VKORC1L1: variants seen among roughly 807,000 people sequenced by gnomAD.
The protein encoded by VKORC1L1 is vitamin K epoxide reductase complex subunit 1L1, also known as vitamin K epoxide reductase complex subunit 1-like protein 1.
In VKORC1L1, 2 loss-of-function variants were observed where a neutral mutation model predicts 18.9. The ratio of observed to expected loss-of-function variants is 0.11; its 90% CI spans 0.04 to 0.33. The LOEUF (loss-of-function observed/expected upper bound fraction) is 0.33, where lower values mean the gene tolerates loss of function less well. VKORC1L1 is among the 10% of genes least tolerant of loss of function. The pLI, the probability that VKORC1L1 is intolerant of heterozygous loss-of-function variation, is 1.00. For missense variants in VKORC1L1, 123 were observed against 224.1 expected (o/e 0.55, Z 2.88); for synonymous variants, 96 against 100.0 (o/e 0.96, Z 0.24).
chr7:65,873,693 G>T (rs1788772367), intron 1 of VKORC1L1, 128 bp downstream of exon 1: 2 of 927,748 alleles, frequency 2.2e-6, no homozygotes, highest in Non-Finnish European at 2.8e-6. Flanking sequence ...GAACTGACGG[G>T]GTCGGGTCGG....
chr7:65,930,397 G>C (rs1208728071), intron 1 of VKORC1L1, among the ~76,000 whole-genome samples: 1 of 152,244 alleles, frequency 6.6e-6, no homozygotes, highest in Non-Finnish European at 1.5e-5. Context: ...AGGCTCGCTA[G>C]AAGTGAGTCC....
intron 1 of VKORC1L1, among the ~76,000 whole-genome samples, chr7:65,884,055 G>C (rs1363738002): frequency 2.6e-5 from 4 of 152,132 alleles, no homozygotes; most frequent in Admixed American, 2.0e-4. Context: ...CAACTCCACT[G>C]TGTTTAAAGT....
At chr7:65,927,308 T>G (rs1789782135) in intron 1 of VKORC1L1, among the ~76,000 whole-genome samples, 1 of 150,850 alleles carries the variant, frequency 6.6e-6, no homozygotes, top group South Asian at 2.1e-4. Flanking sequence ...AAAAAAAAAA[T>G]CATAATGGGT....
At chr7:65,871,179 T>C (rs1249040832), upstream of VKORC1L1, among the ~76,000 whole-genome samples, 1 of 151,776 alleles carries the variant, frequency 6.6e-6, no homozygotes, top group Non-Finnish European at 1.5e-5. Context: ...CTATTTTCTT[T>C]TTCTTTCTTT....
At chr7:65,898,285 C>T (rs888048135) in intron 1 of VKORC1L1, among the ~76,000 whole-genome samples, 2 of 151,816 alleles carry the variant, frequency 1.3e-5, no homozygotes, top group Non-Finnish European at 2.9e-5. Context: ...CGGGGTTTCA[C>T]CATCTTGCCA....
chr7:65,941,673 GTTTT>G lies in VKORC1L1; in HGVS notation c.195-6976_195-6973del, dbSNP rs57537567. Among the ~76,000 whole-genome samples, 577 of 66,512 alleles carry G rather than the reference GTTTT, an allele frequency of 8.7e-3. 3 individuals are homozygous for G. The highest frequency in any genetic ancestry group is 0.031 in the African/African-American group (545 of 17,728). 43.6% of individuals were successfully genotyped at this position (66,512 alleles called of 152,430 possible). On this transcript the variant is annotated intron_variant, in intron 1 of 2. Coordinates refer to ENST00000360768, the MANE Select transcript of VKORC1L1 (RefSeq NM_173517.6). ...TATTGTTGTGTTTCTTTTTCTTAAG[GTTTT>G]TTTTTTTTTTTTTTTTTTTTTGAGA...
intron 1 of VKORC1L1, among the ~76,000 whole-genome samples, chr7:65,879,603 C>T (rs894298265): frequency 2.6e-5 from 4 of 152,058 alleles, no homozygotes; most frequent in African/African-American, 7.2e-5. Context: ...CTGATTCTAA[C>T]CCAGGCAGTC....
intron 1 of VKORC1L1, among the ~76,000 whole-genome samples, chr7:65,905,940 TA>T (rs1441412856): frequency 6.6e-6 from 1 of 152,200 alleles, no homozygotes; most frequent in Non-Finnish European, 1.5e-5. Flanking sequence ...TAAATTTGGC[TA>T]AAACATAAAA....
chr7:65,941,673 G>GTTTTTTTTTTT (rs57537567), intron 1 of VKORC1L1, among the ~76,000 whole-genome samples: 2 of 66,500 alleles, frequency 3.0e-5, no homozygotes, highest in African/African-American at 5.6e-5. Flanking sequence ...TTTTCTTAAG[G>GTTTTTTTTTTT]TTTTTTTTTT....
chr7:65,884,684 C>G (rs548019366), intron 1 of VKORC1L1, among the ~76,000 whole-genome samples: 18 of 152,058 alleles, frequency 1.2e-4, no homozygotes, highest in Admixed American at 3.9e-4. Flanking sequence ...AAAAATTCCA[C>G]CAGTAATGGA....
At chr7:65,913,351 T>C (rs770474453) in intron 1 of VKORC1L1, among the ~76,000 whole-genome samples, 9 of 152,078 alleles carry the variant, frequency 5.9e-5, no homozygotes, top group Non-Finnish European at 1.5e-5. Flanking sequence ...GGGCCTGCTA[T>C]TCATTGTACT....
chr7:65,930,496 T>G (rs897410732), intron 1 of VKORC1L1, among the ~76,000 whole-genome samples: 1 of 152,224 alleles, frequency 6.6e-6, no homozygotes, highest in Non-Finnish European at 1.5e-5. Context: ...CATGCAGTTA[T>G]TGATCAAGCA....
rs1790008862 is a variant in VKORC1L1, at chr7:65,940,031, T to C, written c.195-8640T>C. Among the ~76,000 whole-genome samples the C allele has an allele frequency of 2.6e-5, 4 of 151,976 alleles. 1 individual carries two copies. The highest frequency in any genetic ancestry group is 9.7e-5 in the African/African-American group (4 of 41,346). Reference sequence around the variant, plus strand: ...GGAAAATTGTCTTTTTTTTTTTAGTTTTTATGTTTTTGTGACAGGGTCTCA... The same window carrying C: ...GGAAAATTGTCTTTTTTTTTTTAGTCTTTATGTTTTTGTGACAGGGTCTCA... On this transcript the variant is annotated intron_variant, in intron 1 of 2. Transcript: ENST00000360768.
At chr7:65,867,056 A>G in the VKORC1L1 span, among the ~76,000 whole-genome samples, 1 of 152,110 alleles carries the variant, frequency 6.6e-6, no homozygotes, top group East Asian at 1.9e-4. Flanking sequence ...GCGTGGTGGC[A>G]TGTGCCTGTA....
Position 65,889,087 on chromosome 7 carries a change from AT to A in VKORC1L1, c.194+15537del, listed in dbSNP as rs57828998. On this transcript the variant is annotated intron_variant, in intron 1 of 2. Transcript: ENST00000360768. ...CTTCATTTTCCTCCTACCACTCTCA[AT>A]TTTTTTTTTTTTTTGGCTGGCTTAT... is the stretch of plus-strand genomic sequence containing the variant. 5.7e-3 allele frequency among the ~76,000 whole-genome samples: 782 copies of A among 138,248 alleles called. 3 individuals are homozygous for A. The highest frequency in any genetic ancestry group is 0.013 in the African/African-American group (505 of 37,778). The allele number at this position is 138,248 out of a possible 152,430, so 90.7% of individuals were successfully genotyped here.
chr7:65,903,601 A>G (rs117445779), intron 1 of VKORC1L1, among the ~76,000 whole-genome samples: 2,173 of 152,276 alleles, frequency 0.014, 23 homozygotes, highest in Non-Finnish European at 0.022. Flanking sequence ...GCGAAAGCCT[A>G]TCTCTACAAA....
chr7:65,886,140 T>C (rs1380242694), intron 1 of VKORC1L1, among the ~76,000 whole-genome samples: 2 of 152,246 alleles, frequency 1.3e-5, no homozygotes, highest in African/African-American at 4.8e-5. Context: ...ATATCATCTA[T>C]CCCTGTTTTC....
upstream of VKORC1L1, among the ~76,000 whole-genome samples, chr7:65,869,905 T>C (rs527612188): frequency 4.0e-5 from 6 of 151,844 alleles, no homozygotes; most frequent in South Asian, 2.1e-4. Context: ...TTCTCCCACA[T>C]TGGCCTCCCA....
intron 1 of VKORC1L1, among the ~76,000 whole-genome samples, chr7:65,890,759 G>T (rs1416516572): frequency 1.3e-5 from 2 of 152,182 alleles, no homozygotes; most frequent in Non-Finnish European, 2.9e-5. Flanking sequence ...CCAAGGCTTA[G>T]AATTGTCAGT....
Sources: gnomAD v4.1 joint callset for allele counts (sites outside exome capture counted in the v4.1 genomes callset) on GRCh38, gnomAD v4.1.1 for gene constraint, MANE v1.5 for transcripts, NCBI Gene and HGNC (gene_info 2026-07-23, HGNC 2026-07-21) for gene names.